The following TPD52L3 variants were observed in gnomAD, a reference collection of about 807,000 sequenced individuals.
TPD52L3 encodes tumor protein D55.
In TPD52L3, 12 loss-of-function variants were observed where a neutral mutation model predicts 8.7. The ratio of observed to expected loss-of-function variants is 1.38; its 90% CI spans 0.89 to 2.24. The LOEUF (loss-of-function observed/expected upper bound fraction) is 2.24. Ranked by LOEUF, TPD52L3 falls within the 30% of genes most tolerant of loss-of-function variation. TPD52L3 has a pLI of 0.00. For synonymous variants in TPD52L3, 79 were observed against 66.8 expected, an observed-to-expected ratio of 1.18 and a Z score of -0.89; for missense variants, 207 against 158.7, an observed-to-expected ratio of 1.30 and a Z score of -1.64.
In TPD52L3 at chr9:6,328,722, A is replaced by G; in HGVS notation, c.127A>G (p.Ile43Val). 4 of 1,614,176 alleles carry G rather than the reference A, an allele frequency of 2.5e-6. No individual in the cohort carries two copies. Among genetic ancestry groups the G allele is most frequent in the Non-Finnish European group, 3.4e-6 (4 of 1,180,030 alleles). The stretch of plus-strand genomic sequence containing the variant: ...CAAACTCACTAAATTGGAGGCTGAA[A>G]TTGTAACCCTACGCCACGTACTAGC... ...KTKLTKLEAEIVTLRHVLAAK... is the reference protein window; with the variant it reads ...KTKLTKLEAEVVTLRHVLAAK... The change falls in exon 1 of 2, where the codon ATT becomes GTT. Residue 43 changes from isoleucine to valine, a missense_variant. Coordinates refer to ENST00000314556, the MANE Select transcript of TPD52L3 (RefSeq NM_001001874.3).
At chr9:6,329,924 A>G in intron 1 of TPD52L3, 1 of 1,300,984 alleles carries the variant, frequency 7.7e-7, no homozygotes, top group Non-Finnish European at 9.8e-7. Context: ...TTAACCCTTG[A>G]AGCAGCATGT....
At position 6,328,841 on chromosome 9, in the gene TPD52L3, T is replaced by C. The variant is rs374055208; in HGVS notation, c.246T>C (p.Asp82=). ...LRQNLSKSWL[D]VQVSNTYVKQ... is the part of the protein sequence containing the mutation. ...AGAATCTGTCCAAGAGCTGGCTTGA[T>C]GTTCAGGTCTCCAACACCTATGTGA... Residue 82 remains aspartate, a synonymous_variant, in exon 1 of 2, where the codon GAT becomes GAC. Coordinates refer to ENST00000314556, the MANE Select transcript of TPD52L3 (RefSeq NM_001001874.3). 1 of 1,614,178 alleles carries C rather than the reference T, an allele frequency of 6.2e-7. No homozygotes were observed. Among genetic ancestry groups the C allele is most frequent in the East Asian group, 2.2e-5 (1 of 44,878 alleles).
At position 6,329,054 on chromosome 9, in the gene TPD52L3, T is replaced by A. The variant is rs571653923; in HGVS notation, c.367+92T>A. 48 of 1,597,668 alleles carry A rather than the reference T, an allele frequency of 3.0e-5. 1 individual carries two copies. The South Asian group carries it at 5.0e-4, about 17-fold the overall frequency. ...TCTGCGGAGGGTGGGGTTGATCTGCTCTCAGTTTTGGGGTGTGGGGAAGAC... is the reference window on the plus strand; with the variant it reads ...TCTGCGGAGGGTGGGGTTGATCTGCACTCAGTTTTGGGGTGTGGGGAAGAC... On this transcript the variant is annotated intron_variant, in intron 1 of 1. Transcript: ENST00000314556.
At chr9:6,329,264 ACAATGG>A (rs1471431548) in intron 1 of TPD52L3, 5 of 1,324,678 alleles carry the variant, frequency 3.8e-6, no homozygotes, top group Non-Finnish European at 4.9e-6. Flanking sequence ...CAAGCAAACC[ACAATGG>A]TAAAGTGGTT....
At position 6,331,114 on chromosome 9, in the gene TPD52L3, G is replaced by A. The variant is rs750344323; in HGVS notation, c.*95G>A. ...CCTTCTGCTTTTAAACAAAAATATCGTGTTTATTCAAAGCCAATCTGAGAC... is the reference window on the plus strand; with the variant it reads ...CCTTCTGCTTTTAAACAAAAATATCATGTTTATTCAAAGCCAATCTGAGAC... On this transcript the variant is annotated 3_prime_UTR_variant, in exon 2 of 2. Coordinates refer to ENST00000314556, the MANE Select transcript of TPD52L3 (RefSeq NM_001001874.3). The A allele has an allele frequency of 1.1e-5, 15 of 1,385,448 alleles. No homozygotes were observed. In the Middle Eastern group the frequency reaches 5.4e-4, roughly 50 times the overall value. 85.8% of individuals were successfully genotyped at this position (1,385,448 alleles called of 1,614,324 possible).
At chr9:6,330,091 CG>C (rs1341715361) in intron 1 of TPD52L3, 11 of 1,584,160 alleles carry the variant, frequency 6.9e-6, no homozygotes, top group Non-Finnish European at 9.4e-6. Context: ...TTAAAAAGAA[CG>C]TCTGTCCCCT....
At chr9:6,330,912 T>A in intron 1 of TPD52L3, 64 bp from the exon 2 acceptor site, 1 of 1,588,556 alleles carries the variant, frequency 6.3e-7, no homozygotes, top group Non-Finnish European at 8.5e-7. Context: ...AATTCTCAAC[T>A]CCGTAAAAGT....
chr9:6,330,638 T>G (rs1818134499), intron 1 of TPD52L3: 1 of 1,172,368 alleles, frequency 8.5e-7, no homozygotes, highest in African/African-American at 1.6e-5. Flanking sequence ...AAAGTTTTGC[T>G]TGGATTAAAA....
chr9:6,329,032 G>A (rs1485834122), intron 1 of TPD52L3, 70 bp downstream of exon 1: 2 of 1,610,906 alleles, frequency 1.2e-6, no homozygotes, highest in East Asian at 2.2e-5. Flanking sequence ...TCTTTCTTCT[G>A]CGGAGGGTGG....
At chr9:6,330,424 G>A (rs996657641) in intron 1 of TPD52L3, 1 of 1,352,150 alleles carries the variant, frequency 7.4e-7, no homozygotes, top group Admixed American at 3.5e-5. Context: ...GACCCTTATG[G>A]GTACATTTCA....
intron 1 of TPD52L3, chr9:6,329,556 C>T: frequency 2.0e-6 from 2 of 1,003,686 alleles, no homozygotes; most frequent in Non-Finnish European, 2.4e-6. Context: ...ATGAAGTAAT[C>T]TGTAGTGTTT....
In TPD52L3 at chr9:6,331,041, A is replaced by G. The variant is rs544168629; in HGVS notation, c.*22A>G. 2 of 1,604,688 alleles carry G rather than the reference A, an allele frequency of 1.2e-6. No homozygotes were observed. The highest frequency in any genetic ancestry group is 2.7e-5 in the African/African-American group (2 of 74,754). Reference sequence around the variant, plus strand: ...TTAACATCATATACTTCAGACATCAAATATGGAATCCAAGAGACTATCAAC... The same window carrying G: ...TTAACATCATATACTTCAGACATCAGATATGGAATCCAAGAGACTATCAAC... On this transcript the variant is annotated 3_prime_UTR_variant, in exon 2 of 2. Coordinates refer to ENST00000314556, the MANE Select transcript of TPD52L3 (RefSeq NM_001001874.3).
At position 6,328,929 on chromosome 9, in the gene TPD52L3, G is replaced by A. The variant is rs146570633; in HGVS notation, c.334G>A (p.Val112Met). 4.0e-5 allele frequency: 64 copies of A among 1,614,202 alleles called. No individual in the cohort carries two copies. The African/African-American group carries it at 5.9e-4, about 15-fold the overall frequency. ...GTLICRKLGG[V>M]KKSATFRSFE... Reference sequence around the variant, plus strand: ...TCTCATCTGCAGGAAGCTTGGAGGCGTGAAGAAGTCGGCCACATTCAGATC... The same window carrying A: ...TCTCATCTGCAGGAAGCTTGGAGGCATGAAGAAGTCGGCCACATTCAGATC... The change falls in exon 1 of 2, where the codon GTG becomes ATG. Residue 112 changes from valine (V) to methionine (M), a missense_variant. Coordinates refer to ENST00000314556, the MANE Select transcript of TPD52L3 (RefSeq NM_001001874.3).
At position 6,328,685 on chromosome 9, in the gene TPD52L3, A is replaced by G. The variant is rs1818065447; in HGVS notation, c.90A>G (p.Arg30=). The G allele has an allele frequency of 6.2e-7, 1 of 1,614,076 alleles. No homozygotes were observed. Among genetic ancestry groups the G allele is most frequent in the African/African-American group, 1.3e-5 (1 of 74,926 alleles). ...AGGATCTGACAGAGCCCGAGCAAAG[A>G]GAGCTCAAAACCAAACTCACTAAAT... ...ELEDLTEPEQ[R]ELKTKLTKLE... Residue 30 remains arginine, a synonymous_variant, in exon 1 of 2, where the codon AGA becomes AGG. Transcript: ENST00000314556.
intron 1 of TPD52L3, chr9:6,329,770 C>G: frequency 9.8e-7 from 1 of 1,016,442 alleles, no homozygotes; most frequent in Non-Finnish European, 1.2e-6. Context: ...TTGTAAAACT[C>G]GTTTGTTTTC....
rs961628842 is a variant in TPD52L3 at position 6,331,502 on chromosome 9, G to C, written c.*483G>C. ...AGGGGAAATGGTGTTACATGAGTGA[G>C]GGAGGGGAAATGGTGTTACGTGAGT... On this transcript the variant is annotated 3_prime_UTR_variant, in exon 2 of 2. Coordinates refer to ENST00000314556, the MANE Select transcript of TPD52L3 (RefSeq NM_001001874.3). The C allele has an allele frequency of 3.3e-5, 5 of 152,682 alleles. No individual in the cohort carries two copies. The highest frequency in any genetic ancestry group is 3.8e-4 in the East Asian group (2 of 5,218). 9.5% of individuals were successfully genotyped at this position (152,682 alleles called of 1,614,324 possible). A position where few individuals can be genotyped will look rare whatever the true frequency, so the allele number is the denominator to read the frequency against.
intron 1 of TPD52L3, chr9:6,330,672 G>A (rs926887322): frequency 2.5e-6 from 3 of 1,209,002 alleles, no homozygotes; most frequent in Non-Finnish European, 2.1e-6. Flanking sequence ...TATTTTGCAT[G>A]TTCGATTTTT....
rs775850582 is a variant in TPD52L3 at position 6,330,996 on chromosome 9, A to C, written c.388A>C (p.Thr130Pro). The stretch of plus-strand genomic sequence containing the variant: ...CTTAGGATTGATCTTCAATAAATAC[A>C]CGTTAAATCAAGGAAGGAATTAACA... Reference protein sequence around the residue: ...SFEGLIFNKYTLNQGRN With the variant: ...SFEGLIFNKYPLNQGRN Residue 130 changes from threonine to proline, a missense_variant, in exon 2 of 2, where the codon ACG becomes CCG. Transcript: ENST00000314556. The C allele has an allele frequency of 1.9e-6, 3 of 1,612,906 alleles. No individual in the cohort carries two copies. Among genetic ancestry groups the C allele is most frequent in the African/African-American group, 2.7e-5 (2 of 74,892 alleles).
chr9:6,328,478 T>G lies in TPD52L3; in HGVS notation c.-118T>G. The G allele has an allele frequency of 7.9e-7, 1 of 1,269,430 alleles. No individual in the cohort carries two copies. Among genetic ancestry groups the G allele is most frequent in the Non-Finnish European group, 1.1e-6 (1 of 919,684 alleles). 78.6% of individuals were successfully genotyped at this position (1,269,430 alleles called of 1,614,324 possible). A position where few individuals can be genotyped will look rare whatever the true frequency, so the allele number is the denominator to read the frequency against. On this transcript the variant is annotated 5_prime_UTR_variant, in exon 1 of 2. Coordinates refer to ENST00000314556, the MANE Select transcript of TPD52L3 (RefSeq NM_001001874.3). Reference sequence around the variant, plus strand: ...ACTCCACCTGCCAAGAGTCTGAGCCTGCAGGCCTAGATTTCGACTCTGCTG... The same window carrying G: ...ACTCCACCTGCCAAGAGTCTGAGCCGGCAGGCCTAGATTTCGACTCTGCTG...
Sources: allele counts gnomAD v4.1 joint callset, GRCh38; gene constraint gnomAD v4.1.1; transcripts MANE v1.5; gene names NCBI Gene and HGNC (gene_info 2026-07-23, HGNC 2026-07-21).